IL23R: variants seen among roughly 807,000 people sequenced by gnomAD.
IL23R encodes interleukin-23 receptor.
A neutral mutation model predicts 56.9 loss-of-function variants in IL23R; 34 were observed. The observed-to-expected ratio is 0.60, with a 90% CI of 0.45 to 0.80. The LOEUF is 0.80. Ranked by LOEUF, IL23R falls within the 30% of genes least tolerant of loss-of-function variation. IL23R has a pLI of 0.00. For missense variants in IL23R, 635 were observed against 730.0 expected (o/e 0.87, Z 1.50); for synonymous variants, 230 against 249.2 (o/e 0.92, Z 0.73).
At chr1:67,215,071 C>A (rs1272279261) in intron 6 of IL23R, among the ~76,000 whole-genome samples, 1 of 152,186 alleles carries the variant, frequency 6.6e-6, no homozygotes, top group Non-Finnish European at 1.5e-5. Flanking sequence ...CATGTGAAAT[C>A]TGTAGTGTTG....
chr1:67,207,007 G>C lies in IL23R; in HGVS notation c.750G>C (p.Lys250Asn), dbSNP rs970390731. Reference sequence around the variant, plus strand: ...GGGATAGTCAAACAACAATTGAAAAGGTTTCCTGTGAAATGAGATACAAGG... The same window carrying C: ...GGGATAGTCAAACAACAATTGAAAACGTTTCCTGTGAAATGAGATACAAGG... ...IYWDSQTTIE[K>N]VSCEMRYKAT... Residue 250 changes from lysine to asparagine, a missense_variant, in exon 6 of 11, where the codon AAG becomes AAC. Transcript: ENST00000347310. 6.2e-7 allele frequency: 1 copy of C among 1,604,654 alleles called. No homozygotes were observed. Among genetic ancestry groups the C allele is most frequent in the Non-Finnish European group, 8.5e-7 (1 of 1,175,644 alleles).
chr1:67,225,351 G>A (rs1325806134), intron 7 of IL23R, among the ~76,000 whole-genome samples: 15 of 152,146 alleles, frequency 9.9e-5, no homozygotes, highest in Non-Finnish European at 1.5e-5. Flanking sequence ...TAAGGAAGGG[G>A]CAGTCTGAGA....
chr1:67,258,502 A>G lies in IL23R; in HGVS notation c.1264A>G (p.Asn422Asp), dbSNP rs1016412497. ...LQENSELMNN[N>D]SSEQVLYVDP... Reference sequence around the variant, plus strand: ...GGAAAATAGTGAACTTATGAATAATAATTCCAGTGAGCAGGTCCTATATGT... The same window carrying G: ...GGAAAATAGTGAACTTATGAATAATGATTCCAGTGAGCAGGTCCTATATGT... The change falls in exon 11 of 11, where the codon AAT (asparagine) becomes GAT (aspartate). Residue 422 changes from asparagine to aspartate, a missense_variant. Physicochemically the swap from Asn to Asp is conservative, Grantham distance 23. Coordinates refer to ENST00000347310, the MANE Select transcript of IL23R (RefSeq NM_144701.3). 6.3e-7 allele frequency: 1 copy of G among 1,597,938 alleles called. No individual in the cohort carries two copies. Among genetic ancestry groups the G allele is most frequent in the African/African-American group, 1.3e-5 (1 of 74,228 alleles).
At chr1:67,237,688 A>C (rs1302027345) in intron 8 of IL23R, among the ~76,000 whole-genome samples, 2 of 152,220 alleles carry the variant, frequency 1.3e-5, no homozygotes, top group Admixed American at 1.3e-4. Context: ...TTAGGCGTAA[A>C]AAAATTGAGA....
intron 6 of IL23R, among the ~76,000 whole-genome samples, chr1:67,219,178 C>T (rs1006488638): frequency 6.6e-6 from 1 of 151,836 alleles, no homozygotes; most frequent in Non-Finnish European, 1.5e-5. Context: ...ACCAGCCTGG[C>T]CAACATGATG....
intron 6 of IL23R, among the ~76,000 whole-genome samples, chr1:67,217,331 A>G (rs560263087): frequency 6.7e-6 from 1 of 150,220 alleles, no homozygotes; most frequent in East Asian, 1.9e-4. Context: ...TATCATCCTG[A>G]GGTATCATGT....
In IL23R at chr1:67,200,744, A is replaced by G. The variant is rs1256833458; in HGVS notation, c.499A>G (p.Thr167Ala). The stretch of plus-strand genomic sequence containing the variant: ...TTTTTTTTTTGTTTTAAGTTTAGAG[A>G]CAGAAGAAGAGCAACAGTATCTCAC... ...KYVVHVKSLE[T>A]EEEQQYLTSS... Residue 167 changes from threonine (T) to alanine (A), a missense_variant, in exon 5 of 11, where the codon ACA becomes GCA. Physicochemically the swap from Thr to Ala is moderately conservative, Grantham distance 58. Coordinates refer to ENST00000347310, the MANE Select transcript of IL23R (RefSeq NM_144701.3). The G allele has an allele frequency of 2.5e-6, 4 of 1,613,414 alleles. No individual in the cohort carries two copies. The East Asian group carries it at 8.9e-5, about 36-fold the overall frequency.
chr1:67,254,650 G>C (rs997242146), intron 9 of IL23R, among the ~76,000 whole-genome samples: 1 of 152,112 alleles, frequency 6.6e-6, no homozygotes, highest in African/African-American at 2.4e-5. Context: ...CAGCCATTTT[G>C]GTTGTTATTT....
chr1:67,160,135 G>A (rs929171491), intron 1 of IL23R, among the ~76,000 whole-genome samples: 6 of 152,094 alleles, frequency 3.9e-5, no homozygotes, highest in African/African-American at 1.4e-4. Context: ...TTACAGGCAT[G>A]AGCCACCGCG....
At chr1:67,264,775 C>T (rs1653293561), downstream of IL23R, among the ~76,000 whole-genome samples, 2 of 152,216 alleles carry the variant, frequency 1.3e-5, no homozygotes, top group Non-Finnish European at 2.9e-5. Context: ...ATCCAGAATT[C>T]CCATCAATTT....
At chr1:67,164,355 G>A (rs148619700), upstream of IL23R, among the ~76,000 whole-genome samples, 9 of 152,256 alleles carry the variant, frequency 5.9e-5, no homozygotes, top group East Asian at 7.7e-4. Context: ...AAACCAGACC[G>A]GGTGAGGCGT....
intron 10 of IL23R, among the ~76,000 whole-genome samples, chr1:67,256,384 G>A (rs1186239389): frequency 1.3e-5 from 2 of 152,186 alleles, no homozygotes; most frequent in Non-Finnish European, 2.9e-5. Context: ...GAAAAGCAAT[G>A]TGAGAGAACT....
intron 6 of IL23R, among the ~76,000 whole-genome samples, chr1:67,213,306 AT>A (rs1558246643): frequency 6.6e-6 from 1 of 152,230 alleles, no homozygotes; most frequent in African/African-American, 2.4e-5. Flanking sequence ...CAAGCCTGGA[AT>A]AGTGTAATTG....
chr1:67,242,887 C>T (rs529752683), intron 9 of IL23R, among the ~76,000 whole-genome samples: 2 of 152,106 alleles, frequency 1.3e-5, no homozygotes, highest in African/African-American at 4.8e-5. Context: ...TGAATGAAAT[C>T]CCTTATAAAT....
Position 67,258,863 on chromosome 1 carries a change from A to C in IL23R, c.1625A>C (p.Asn542Thr). 6.2e-7 allele frequency: 1 copy of C among 1,614,088 alleles called. No individual in the cohort carries two copies. The highest frequency in any genetic ancestry group is 8.5e-7 in the Non-Finnish European group (1 of 1,179,992). Reference sequence around the variant, plus strand: ...GTTTCAAGTGTGAATTCACTAAGCAACACAATATTTCTTGGAGAATTAAGC... The same window carrying C: ...GTTTCAAGTGTGAATTCACTAAGCACCACAATATTTCTTGGAGAATTAAGC... ...FSVSSVNSLS[N>T]TIFLGELSLI... Residue 542 changes from asparagine to threonine, a missense_variant, in exon 11 of 11, where the codon AAC (asparagine) becomes ACC (threonine). Physicochemically the swap from Asn to Thr is moderately conservative, Grantham distance 65. Transcript: ENST00000347310.
At chr1:67,148,289 C>A (rs1646700034) in intron 1 of IL23R, among the ~76,000 whole-genome samples, 1 of 152,218 alleles carries the variant, frequency 6.6e-6, no homozygotes, top group Non-Finnish European at 1.5e-5. Flanking sequence ...AAACGTGGAC[C>A]AGAAGAGTGT....
chr1:67,171,060 T>C (rs1429153257), intron 3 of IL23R, among the ~76,000 whole-genome samples: 2 of 152,210 alleles, frequency 1.3e-5, no homozygotes, highest in Non-Finnish European at 2.9e-5. Context: ...ACATCTTATC[T>C]GATGTAAGAA....
At chr1:67,142,321 T>C (rs1272858460) in intron 1 of IL23R, among the ~76,000 whole-genome samples, 1 of 152,000 alleles carries the variant, frequency 6.6e-6, no homozygotes, top group Non-Finnish European at 1.5e-5. Flanking sequence ...AAAACAATAA[T>C]TTGGTGAGTT....
intron 4 of IL23R, among the ~76,000 whole-genome samples, chr1:67,192,617 C>G (rs78506529): frequency 6.6e-6 from 1 of 152,104 alleles, no homozygotes; most frequent in Admixed American, 6.6e-5. Flanking sequence ...AACCAAACAC[C>G]CAGTTTCCTC....
Sources: gnomAD v4.1 joint callset for allele counts (sites outside exome capture counted in the v4.1 genomes callset) on GRCh38, gnomAD v4.1.1 for gene constraint, MANE v1.5 for transcripts, NCBI Gene and HGNC (gene_info 2026-07-23, HGNC 2026-07-21) for gene names.